Variants in ANKRD44 observed in about 807,000 individuals in gnomAD.
The protein encoded by ANKRD44 is ankyrin repeat domain 44.
ANKRD44 carries 35 observed loss-of-function variants against 116.0 expected under a neutral mutation model. The observed-to-expected ratio is 0.30, with a 90% CI of 0.23 to 0.40. ANKRD44 has a LOEUF of 0.40. Among genes scored for constraint, ANKRD44 ranks in the 10% least tolerant of loss-of-function variants. ANKRD44 has a pLI of 1.00. For missense variants in ANKRD44, 1,014 were observed against 1,242.6 expected, an observed-to-expected ratio of 0.82 and a Z score of 2.77; for synonymous variants, 435 against 461.8, an observed-to-expected ratio of 0.94 and a Z score of 0.74.
chr2:197,013,773 C>A (rs2076338895), intron 17 of ANKRD44, 61 bp from the exon 18 acceptor site: 3 of 1,578,982 alleles, frequency 1.9e-6, no homozygotes, highest in African/African-American at 1.4e-5. Context: ...CCGCCACAGT[C>A]CACAGGAGGG....
intron 12 of ANKRD44, 102 bp downstream of exon 12, chr2:197,088,609 T>A: frequency 2.9e-6 from 2 of 680,662 alleles, no homozygotes; most frequent in Non-Finnish European, 4.6e-6. Flanking sequence ...AAATGATTCT[T>A]ATTTTACTAA....
At chr2:197,251,587 G>A (rs1237387311) in intron 1 of ANKRD44, among the ~76,000 whole-genome samples, 1 of 152,086 alleles carries the variant, frequency 6.6e-6, no homozygotes, top group African/African-American at 2.4e-5. Flanking sequence ...CCATTTCTTT[G>A]ATTTGGAGTG....
At chr2:197,158,431 C>T (rs1418137454) in intron 2 of ANKRD44, among the ~76,000 whole-genome samples, 1 of 152,202 alleles carries the variant, frequency 6.6e-6, no homozygotes, top group Non-Finnish European at 1.5e-5. Context: ...CCACCACAGG[C>T]TCACTGTCTC....
At chr2:197,018,997 G>A (rs1326032271) in intron 17 of ANKRD44, among the ~76,000 whole-genome samples, 1 of 151,966 alleles carries the variant, frequency 6.6e-6, no homozygotes, top group Non-Finnish European at 1.5e-5. Context: ...TAAATCTCAC[G>A]CTTTTAGGTG....
At chr2:197,228,277 C>G (rs2081767764) in intron 1 of ANKRD44, among the ~76,000 whole-genome samples, 1 of 152,176 alleles carries the variant, frequency 6.6e-6, no homozygotes, top group African/African-American at 2.4e-5. Context: ...TCATTACTTC[C>G]CCTACCTCAC....
intron 1 of ANKRD44, among the ~76,000 whole-genome samples, chr2:197,249,059 C>A (rs565351599): frequency 6.6e-6 from 1 of 152,108 alleles, no homozygotes; most frequent in Non-Finnish European, 1.5e-5. Flanking sequence ...TGGCTTGAGG[C>A]CAGGAGTTTG....
chr2:197,034,049 C>CCAGAGAGAGAGAGAGA (rs1491563139), intron 16 of ANKRD44, among the ~76,000 whole-genome samples: 19 of 13,276 alleles, frequency 1.4e-3, no homozygotes, highest in Middle Eastern at 0.067. Context: ...CATATGAGGG[C>CCAGAGAGAGAGAGAGA]TAGAGAGAGA....
chr2:197,056,391 T>C (rs566967871), intron 16 of ANKRD44, among the ~76,000 whole-genome samples: 6 of 152,296 alleles, frequency 3.9e-5, no homozygotes, highest in African/African-American at 1.2e-4. Flanking sequence ...TTTCTACGTA[T>C]TGAAACAGAG....
At chr2:197,250,392 C>T (rs1199739539) in intron 1 of ANKRD44, among the ~76,000 whole-genome samples, 1 of 152,134 alleles carries the variant, frequency 6.6e-6, no homozygotes, top group African/African-American at 2.4e-5. Context: ...TCTCATAGAC[C>T]AGAACAAAGG....
intron 2 of ANKRD44, among the ~76,000 whole-genome samples, chr2:197,152,118 G>C (rs902423863): frequency 6.6e-6 from 1 of 152,156 alleles, no homozygotes; most frequent in Non-Finnish European, 1.5e-5. Context: ...GGTAGTTCCT[G>C]GATCAAAATT....
chr2:197,201,307 G>A lies in ANKRD44; in HGVS notation c.28-14201C>T, dbSNP rs191175734. Among the ~76,000 whole-genome samples, 6 of 152,326 alleles carry A rather than the reference G, an allele frequency of 3.9e-5. No homozygotes were observed. The East Asian group carries it at 1.2e-3, about 29-fold the overall frequency. On this transcript the variant is annotated intron_variant, in intron 1 of 27. Transcript: ENST00000282272. This position sits in a 1 kb window ranked among gnomAD's most constrained non-coding sequence, Gnocchi z 4.0. ...AGAAAATAAGGGAGTGAGTTACTGA[G>A]TTTTTAACAAGGAGAGTAAGTTACT...
At chr2:197,075,473 T>C (rs577975631) in intron 16 of ANKRD44, among the ~76,000 whole-genome samples, 3 of 152,186 alleles carry the variant, frequency 2.0e-5, no homozygotes, top group South Asian at 4.1e-4. Context: ...CAATTGAATA[T>C]GACTGATCAC....
At chr2:197,308,696 T>A (rs2084149203) in intron 1 of ANKRD44, among the ~76,000 whole-genome samples, 1 of 152,238 alleles carries the variant, frequency 6.6e-6, no homozygotes, top group African/African-American at 2.4e-5. Context: ...TGGAAACATC[T>A]TAAAAGGCAA....
At chr2:197,295,278 G>A (rs916187502) in intron 1 of ANKRD44, among the ~76,000 whole-genome samples, 1 of 152,192 alleles carries the variant, frequency 6.6e-6, no homozygotes, top group Non-Finnish European at 1.5e-5. Context: ...GTTAGAGCAA[G>A]AGGTTGGCAA....
At chr2:196,997,359 AT>A (rs1276337107) in intron 25 of ANKRD44, among the ~76,000 whole-genome samples, 1 of 151,408 alleles carries the variant, frequency 6.6e-6, no homozygotes, top group Non-Finnish European at 1.5e-5. Context: ...AGATATTAAT[AT>A]TATACGATTC....
At chr2:197,179,178 A>C (rs2125573431) in intron 2 of ANKRD44, among the ~76,000 whole-genome samples, 1 of 152,320 alleles carries the variant, frequency 6.6e-6, no homozygotes, top group Middle Eastern at 3.4e-3. Flanking sequence ...CTGTGCCATT[A>C]ACATACTGTT....
At chr2:197,185,028 C>T (rs2080619450) in intron 2 of ANKRD44, among the ~76,000 whole-genome samples, 1 of 152,198 alleles carries the variant, frequency 6.6e-6, no homozygotes, top group Non-Finnish European at 1.5e-5. Context: ...TCCATTTGCT[C>T]ATGATCATTA....
At chr2:197,052,013 G>C (rs1215492431) in intron 16 of ANKRD44, among the ~76,000 whole-genome samples, 1 of 152,106 alleles carries the variant, frequency 6.6e-6, no homozygotes, top group African/African-American at 2.4e-5. Flanking sequence ...TTACCATCCG[G>C]GCAGTGCAGA....
At chr2:197,195,006 A>G (rs2080913523) in intron 1 of ANKRD44, among the ~76,000 whole-genome samples, 2 of 152,198 alleles carry the variant, frequency 1.3e-5, no homozygotes, top group Admixed American at 6.5e-5. Flanking sequence ...TCACATCAGC[A>G]TAAGAAGCTT....
Sources: gnomAD v4.1 joint callset for allele counts (sites outside exome capture counted in the v4.1 genomes callset) on GRCh38, gnomAD v4.1.1 for gene constraint, Gnocchi (gnomAD v3.1) non-coding constraint, MANE v1.5 for transcripts, NCBI Gene and HGNC (gene_info 2026-07-23, HGNC 2026-07-21) for gene names.